Variants in KCNH1 observed in about 807,000 individuals in gnomAD.
KCNH1 encodes voltage-gated delayed rectifier potassium channel KCNH1.
Under a neutral mutation model 69.2 loss-of-function variants are expected in KCNH1, and 27 were observed. That is an observed-to-expected ratio of 0.39 (90% CI 0.29 to 0.54). The LOEUF is 0.54. Among genes scored for constraint, KCNH1 ranks in the 20% least tolerant of loss-of-function variants. The pLI is 0.68. For missense variants in KCNH1, 798 were observed against 1,261.6 expected (o/e 0.63, Z 5.57); for synonymous variants, 456 against 487.7 (o/e 0.93, Z 0.86).
chr1:211,079,224 G>T (rs1690800444), intron 5 of KCNH1, among the ~76,000 whole-genome samples: 1 of 152,126 alleles, frequency 6.6e-6, no homozygotes, highest in African/African-American at 2.4e-5. Context: ...TAGAAGAAAT[G>T]GATAAATTCC....
At position 210,859,809 on chromosome 1, in the gene KCNH1, G is replaced by T. The variant is rs1351706311; in HGVS notation, c.1463-55643C>A. 4.8e-6 allele frequency: 5 copies of T among 1,043,364 alleles called. No individual in the cohort carries two copies. The African/African-American group carries it at 7.8e-5, about 16-fold the overall frequency. 64.6% of individuals were successfully genotyped at this position (1,043,364 alleles called of 1,614,324 possible). A position where few individuals can be genotyped will look rare whatever the true frequency, so the allele number is the denominator to read the frequency against. ...TTCTGTCATGAAGCCCCAAGAAACA[G>T]TCAACATCATTAAGCCACTAATAAA... On this transcript the variant is annotated intron_variant, in intron 7 of 10. Coordinates refer to ENST00000271751, the MANE Select transcript of KCNH1 (RefSeq NM_172362.3).
intron 5 of KCNH1, among the ~76,000 whole-genome samples, chr1:211,029,771 C>G (rs995926616): frequency 3.9e-5 from 6 of 152,118 alleles, no homozygotes; most frequent in Non-Finnish European, 5.9e-5. Context: ...TTGCAAATGA[C>G]ATAATGCTAC....
Position 210,916,050 on chromosome 1 carries a change from G to A in KCNH1, c.1462+3590C>T, listed in dbSNP as rs115861707. ...GGTAGTCAGGGAGGGAGACAACACC[G>A]AGCCTTTGGTGTAAGTGCAGGCTGT... On this transcript the variant is annotated intron_variant, in intron 7 of 10. Transcript: ENST00000271751. 2.9e-3 allele frequency among the ~76,000 whole-genome samples: 435 copies of A among 152,176 alleles called. 4 individuals carry two copies. The highest frequency in any genetic ancestry group is 0.024 in the South Asian group (116 of 4,818).
At chr1:210,926,909 A>AGAAATGC (rs1236455702) in intron 6 of KCNH1, among the ~76,000 whole-genome samples, 3 of 152,222 alleles carry the variant, frequency 2.0e-5, no homozygotes, top group Non-Finnish European at 4.4e-5. Flanking sequence ...ACACACTTAG[A>AGAAATGC]GAAATGCAAA....
intron 7 of KCNH1, among the ~76,000 whole-genome samples, chr1:210,854,293 T>C (rs1046143573): frequency 6.6e-6 from 1 of 152,136 alleles, no homozygotes. Context: ...AGAAGGGGTA[T>C]CCCCTCAATG....
chr1:211,102,320 G>A (rs1005691867), intron 3 of KCNH1, among the ~76,000 whole-genome samples: 9 of 152,132 alleles, frequency 5.9e-5, no homozygotes, highest in African/African-American at 1.2e-4. Flanking sequence ...AGAAAGCCAC[G>A]GTTGGTATGC....
intron 4 of KCNH1, among the ~76,000 whole-genome samples, chr1:211,089,381 T>C (rs141739122): frequency 6.6e-6 from 1 of 152,344 alleles, no homozygotes; most frequent in African/African-American, 2.4e-5. Flanking sequence ...TGAGAGACTT[T>C]GCATCTGCTG....
intron 10 of KCNH1, among the ~76,000 whole-genome samples, chr1:210,698,944 A>G (rs1681709077): frequency 6.6e-6 from 1 of 152,104 alleles, no homozygotes; most frequent in South Asian, 2.1e-4. Flanking sequence ...CGGACTTCCT[A>G]CCTTTATTTG....
intron 6 of KCNH1, among the ~76,000 whole-genome samples, chr1:210,963,260 C>T (rs1688331356): frequency 6.6e-6 from 1 of 151,958 alleles, no homozygotes; most frequent in South Asian, 2.1e-4. Flanking sequence ...AAGGGACGTC[C>T]ACGCAGAAAC....
intron 10 of KCNH1, among the ~76,000 whole-genome samples, chr1:210,767,310 G>C (rs550605851): frequency 6.6e-6 from 1 of 152,200 alleles, no homozygotes; most frequent in Non-Finnish European, 1.5e-5. Flanking sequence ...TAAGAGGTGG[G>C]AGGGGAGCTG....
intron 5 of KCNH1, among the ~76,000 whole-genome samples, chr1:211,053,800 C>A (rs1005334394): frequency 6.6e-6 from 1 of 152,076 alleles, no homozygotes; most frequent in Non-Finnish European, 1.5e-5. Flanking sequence ...CCAAAAAACT[C>A]CAGTTGCAGA....
At chr1:211,004,064 T>C (rs1689235906) in intron 6 of KCNH1, among the ~76,000 whole-genome samples, 1 of 151,958 alleles carries the variant, frequency 6.6e-6, no homozygotes, top group African/African-American at 2.4e-5. Flanking sequence ...ACTGCACTCC[T>C]GCCTGGGCGA....
chr1:211,042,225 A>G (rs1690008400), intron 5 of KCNH1, among the ~76,000 whole-genome samples: 1 of 152,142 alleles, frequency 6.6e-6, no homozygotes, highest in Non-Finnish European at 1.5e-5. Context: ...TTCTTCACCC[A>G]CTTCTTTCTT....
intron 7 of KCNH1, among the ~76,000 whole-genome samples, chr1:210,807,938 A>C (rs1252076552): frequency 6.6e-6 from 1 of 152,228 alleles, no homozygotes; most frequent in African/African-American, 2.4e-5. Flanking sequence ...ACAAGGATCA[A>C]AGAGTTCTCT....
rs1048428610 is a variant in KCNH1, at chr1:210,678,800, A to G, written c.*4481T>C. ...ATAAGATCAGTTTATATCCTGATAC[A>G]AGATCTGTGAACTTCTCATTGAACA... On this transcript the variant is annotated 3_prime_UTR_variant, in exon 11 of 11. Coordinates refer to ENST00000271751, the MANE Select transcript of KCNH1 (RefSeq NM_172362.3). 5.3e-5 allele frequency: 8 copies of G among 152,342 alleles called. No homozygotes were observed. Among genetic ancestry groups the G allele is most frequent in the African/African-American group, 1.9e-4 (8 of 41,566 alleles). 9.4% of individuals were successfully genotyped at this position (152,342 alleles called of 1,614,324 possible). A position where few individuals can be genotyped will look rare whatever the true frequency, so the allele number is the denominator to read the frequency against.
At position 210,832,422 on chromosome 1, in the gene KCNH1, G is replaced by T. The variant is rs1685181254; in HGVS notation, c.1463-28256C>A. Reference sequence around the variant, plus strand: ...TTCCCAATTCTCCAGAGTCTTTTCAGATCTACTTTTTAAAACTGCTCTGTT... The same window carrying T: ...TTCCCAATTCTCCAGAGTCTTTTCATATCTACTTTTTAAAACTGCTCTGTT... On this transcript the variant is annotated intron_variant, in intron 7 of 10. Coordinates refer to ENST00000271751, the MANE Select transcript of KCNH1 (RefSeq NM_172362.3). Among the ~76,000 whole-genome samples, 8 of 152,242 alleles carry T rather than the reference G, an allele frequency of 5.3e-5. No homozygotes were observed. In the South Asian group the frequency reaches 1.7e-3, roughly 32 times the overall value.
chr1:210,753,060 T>C (rs1683314433), intron 10 of KCNH1, among the ~76,000 whole-genome samples: 1 of 152,142 alleles, frequency 6.6e-6, no homozygotes, highest in African/African-American at 2.4e-5. Context: ...TTCTCCCCTA[T>C]AGCCTTCAAA....
At chr1:211,084,622 C>A (rs757309003) in intron 4 of KCNH1, among the ~76,000 whole-genome samples, 6 of 152,180 alleles carry the variant, frequency 3.9e-5, no homozygotes, top group Non-Finnish European at 7.3e-5. Flanking sequence ...GCTGGCTGAG[C>A]AAGGGCATGG....
At chr1:211,080,992 C>A (rs1203913712) in intron 5 of KCNH1, among the ~76,000 whole-genome samples, 2 of 152,278 alleles carry the variant, frequency 1.3e-5, no homozygotes, top group Admixed American at 1.3e-4. Context: ...TAAAGAGCTT[C>A]TGCACAGCAA....
Sources: allele counts gnomAD v4.1 joint callset (sites outside exome capture counted in the v4.1 genomes callset), GRCh38; gene constraint gnomAD v4.1.1; transcripts MANE v1.5; gene names NCBI Gene and HGNC (gene_info 2026-07-23, HGNC 2026-07-21).